ANKRD17: variants seen among roughly 807,000 people sequenced by gnomAD.
ANKRD17 encodes the protein ankyrin repeat domain 17.
In ANKRD17, 19 loss-of-function variants were observed where a neutral mutation model predicts 229.7. The observed-to-expected ratio is 0.08, with a 90% confidence interval of 0.06 to 0.12. ANKRD17 has a LOEUF of 0.12. ANKRD17 is among the 10% of genes least tolerant of loss of function. The probability of loss-of-function intolerance (pLI) is 1.00; values close to 1 mark genes in which losing one functional copy is unlikely to be tolerated. For missense variants in ANKRD17, 2,176 were observed against 3,176.8 expected (o/e 0.68, Z 7.57); for synonymous variants, 1,112 against 1,146.1 (o/e 0.97, Z 0.60).
At chr4:73,092,413 C>G (rs1722879522) in intron 28 of ANKRD17, 113 bp from the exon 29 acceptor site, 1 of 772,738 alleles carries the variant, frequency 1.3e-6, no homozygotes, top group Non-Finnish European at 2.0e-6. Flanking sequence ...TGTGTATATA[C>G]ATACACACAT....
intron 1 of ANKRD17, among the ~76,000 whole-genome samples, chr4:73,189,657 T>G (rs888870434): frequency 4.6e-5 from 7 of 152,300 alleles, no homozygotes; most frequent in Admixed American, 4.6e-4. Context: ...CCTTTCGTTC[T>G]TCAGGTCTTA....
chr4:73,217,091 T>C (rs1432451312), intron 1 of ANKRD17, among the ~76,000 whole-genome samples: 2 of 152,224 alleles, frequency 1.3e-5, no homozygotes, highest in African/African-American at 4.8e-5. Flanking sequence ...GTTGCCTCTA[T>C]AAATGGATAA....
chr4:73,113,481 A>C, intron 24 of ANKRD17, among the ~76,000 whole-genome samples: 1 of 152,232 alleles, frequency 6.6e-6, no homozygotes, highest in African/African-American at 2.4e-5. Flanking sequence ...TAAGATCAAA[A>C]AACAACAGAT....
At chr4:73,135,666 C>CA (rs1419948806) in intron 15 of ANKRD17, among the ~76,000 whole-genome samples, 2 of 152,078 alleles carry the variant, frequency 1.3e-5, no homozygotes, top group Admixed American at 6.5e-5. Flanking sequence ...TTTTACTTGC[C>CA]AATTTCACAC....
chr4:73,202,656 A>C (rs1302738212), intron 1 of ANKRD17, among the ~76,000 whole-genome samples: 1 of 152,252 alleles, frequency 6.6e-6, no homozygotes, highest in Non-Finnish European at 1.5e-5. Context: ...ACAATGCTTC[A>C]AAACAAGCCT....
At chr4:73,222,627 C>T (rs1742005838) in intron 1 of ANKRD17, among the ~76,000 whole-genome samples, 1 of 152,252 alleles carries the variant, frequency 6.6e-6, no homozygotes, top group Non-Finnish European at 1.5e-5. Flanking sequence ...TGATACTAAA[C>T]CTTACTCAAA....
intron 1 of ANKRD17, among the ~76,000 whole-genome samples, chr4:73,236,016 T>G (rs1743474633): frequency 6.6e-6 from 1 of 152,030 alleles, no homozygotes; most frequent in Non-Finnish European, 1.5e-5. Flanking sequence ...AATTTAAAAT[T>G]TTCTAGCAAA....
chr4:73,076,887 T>C, intron 33 of ANKRD17, 53 bp downstream of exon 33: 1 of 1,543,278 alleles, frequency 6.5e-7, no homozygotes. Context: ...CTATTTGTCT[T>C]TGCATTTCTT....
chr4:73,079,879 C>T (rs1721377727), intron 30 of ANKRD17, among the ~76,000 whole-genome samples: 1 of 152,098 alleles, frequency 6.6e-6, no homozygotes, highest in South Asian at 2.1e-4. Flanking sequence ...CTTTGGGAGG[C>T]CAAGGCGGGC....
chr4:73,147,543 C>T (rs1730445829), intron 8 of ANKRD17, 111 bp from the exon 9 acceptor site: 1 of 902,242 alleles, frequency 1.1e-6, no homozygotes, highest in Non-Finnish European at 1.5e-6. Flanking sequence ...ATTTATATTA[C>T]TATAATAAAT....
At chr4:73,077,762 A>T (rs1721141234) in intron 31 of ANKRD17, among the ~76,000 whole-genome samples, 2 of 152,226 alleles carry the variant, frequency 1.3e-5, no homozygotes, top group South Asian at 4.1e-4. Context: ...ACCTAAGTAC[A>T]ACCTAAAGGG....
At chr4:73,227,294 C>G (rs1742608200) in intron 1 of ANKRD17, among the ~76,000 whole-genome samples, 1 of 152,088 alleles carries the variant, frequency 6.6e-6, no homozygotes, top group South Asian at 2.1e-4. Context: ...GCTGGGATTA[C>G]AGGCGCCCAC....
intron 24 of ANKRD17, among the ~76,000 whole-genome samples, chr4:73,109,777 G>C (rs1725079648): frequency 6.6e-6 from 1 of 151,978 alleles, no homozygotes; most frequent in Non-Finnish European, 1.5e-5. Context: ...AGTTACTGAG[G>C]TTCATGTGAG....
rs565348817 is a variant in ANKRD17 at position 73,127,336 on chromosome 4, T to C, written c.3235-2024A>G. On this transcript the variant is annotated intron_variant, in intron 16 of 33. Transcript: ENST00000358602. ...AATTATCTCAGCAATTGTGGTGTAT[T>C]GATTGCATGACATGTTAAAACAATA... is the stretch of plus-strand genomic sequence containing the variant. Among the ~76,000 whole-genome samples, 358 of 152,334 alleles carry C rather than the reference T, an allele frequency of 2.4e-3. 3 individuals are homozygous for C. The highest frequency in any genetic ancestry group is 8.0e-3 in the African/African-American group (332 of 41,576).
chr4:73,097,027 T>TAG, intron 27 of ANKRD17, 90 bp downstream of exon 27: 1 of 1,442,370 alleles, frequency 6.9e-7, no homozygotes, highest in Non-Finnish European at 9.3e-7. Context: ...TTGCAACCTT[T>TAG]AGAAGAGTAG....
intron 1 of ANKRD17, among the ~76,000 whole-genome samples, chr4:73,192,950 T>G (rs1404273737): frequency 6.6e-6 from 1 of 152,200 alleles, no homozygotes; most frequent in Non-Finnish European, 1.5e-5. Context: ...AAATCAGGTT[T>G]ATTGAAGTAT....
At chr4:73,120,636 T>C (rs910644388) in intron 20 of ANKRD17, among the ~76,000 whole-genome samples, 5 of 151,990 alleles carry the variant, frequency 3.3e-5, no homozygotes, top group Non-Finnish European at 7.4e-5. Flanking sequence ...ATTCCCTTCC[T>C]TTTCAAAATA....
intron 3 of ANKRD17, among the ~76,000 whole-genome samples, chr4:73,156,731 C>T (rs745912282): frequency 6.6e-6 from 1 of 152,090 alleles, no homozygotes; most frequent in Non-Finnish European, 1.5e-5. Flanking sequence ...CTTTGCCTTC[C>T]ACCATGATTG....
chr4:73,153,304 T>TA (rs960936277), intron 6 of ANKRD17, among the ~76,000 whole-genome samples: 6 of 151,718 alleles, frequency 4.0e-5, no homozygotes, highest in African/African-American at 1.5e-4. Flanking sequence ...TATGACTTTT[T>TA]TTAATAAAAA....
Sources: gnomAD v4.1 joint callset for allele counts (sites outside exome capture counted in the v4.1 genomes callset) on GRCh38, gnomAD v4.1.1 for gene constraint, MANE v1.5 for transcripts, NCBI Gene and HGNC (gene_info 2026-07-23, HGNC 2026-07-21) for gene names.